BCL2L13: variants seen among roughly 807,000 people sequenced by gnomAD.
BCL2L13 encodes bcl-2-like protein 13.
BCL2L13 carries 13 observed loss-of-function variants against 25.8 expected under a neutral mutation model. That is an observed-to-expected ratio of 0.50 (90% CI 0.33 to 0.80). The LOEUF (loss-of-function observed/expected upper bound fraction) is 0.80. Among genes scored for constraint, BCL2L13 ranks in the 30% least tolerant of loss-of-function variants. The probability of loss-of-function intolerance (pLI) is 0.02; values close to 1 mark genes in which losing one functional copy is unlikely to be tolerated. For missense variants in BCL2L13, 504 were observed against 574.9 expected, an observed-to-expected ratio of 0.88 and a Z score of 1.26; for synonymous variants, 244 against 230.3, an observed-to-expected ratio of 1.06 and a Z score of -0.54.
In BCL2L13 at chr22:17,676,545, A is replaced by G. The variant is rs150580728; in HGVS notation, c.122-6669A>G. 4.7e-4 allele frequency among the ~76,000 whole-genome samples: 72 copies of G among 152,336 alleles called. 1 individual carries two copies. The East Asian group carries it at 0.014, about 29-fold the overall frequency. On this transcript the variant is annotated intron_variant, in intron 2 of 6. Coordinates refer to ENST00000317582, the MANE Select transcript of BCL2L13 (RefSeq NM_015367.4). ...GTGAAGAGTTAGAAGGCCTGACTCC[A>G]AAGCTTATCAACCACTTTACGGCTG...
Position 17,727,907 on chromosome 22 carries a change from G to T in BCL2L13, c.*373G>T. On this transcript the variant is annotated 3_prime_UTR_variant, in exon 7 of 7. Transcript: ENST00000317582. ...GCACCCCCTCCCAGAGATGACAAACGAAAATGTCTCTAGACATTGCCAAAT... is the reference window on the plus strand; with the variant it reads ...GCACCCCCTCCCAGAGATGACAAACTAAAATGTCTCTAGACATTGCCAAAT... 4.0e-6 allele frequency: 1 copy of T among 252,200 alleles called. No individual in the cohort carries two copies. The highest frequency in any genetic ancestry group is 4.8e-5 in the Admixed American group (1 of 20,776). 15.6% of individuals were successfully genotyped at this position (252,200 alleles called of 1,614,324 possible).
rs142646925 is a variant in BCL2L13, at chr22:17,702,366, A to G, written c.580A>G (p.Ile194Val). The part of the protein sequence containing the change: ...TYLEDYSAEY[I>V]IQQGGWGTVF... ...CCTGGAGGACTATTCGGCAGAGTACATCATTCAGCAAGGTGGCTGGGTATG... is the reference window on the plus strand; with the variant it reads ...CCTGGAGGACTATTCGGCAGAGTACGTCATTCAGCAAGGTGGCTGGGTATG... Residue 194 changes from isoleucine (I) to valine (V), a missense_variant, in exon 6 of 7, where the codon ATC (isoleucine) becomes GTC (valine). Physicochemically the swap from Ile to Val is conservative, Grantham distance 29. Transcript: ENST00000317582. 9 of 1,600,336 alleles carry G rather than the reference A, an allele frequency of 5.6e-6. No individual in the cohort carries two copies. The African/African-American group carries it at 9.5e-5, about 17-fold the overall frequency.
intron 6 of BCL2L13, among the ~76,000 whole-genome samples, chr22:17,715,165 TATATA>T (rs1319909124): frequency 1.3e-3 from 7 of 5,570 alleles, no homozygotes; most frequent in African/African-American, 3.6e-3. Context: ...TATATATATA[TATATA>T]TTTTTTTTTT....
At chr22:17,698,276 A>G (rs892203805) in intron 5 of BCL2L13, among the ~76,000 whole-genome samples, 1 of 151,770 alleles carries the variant, frequency 6.6e-6, no homozygotes, top group African/African-American at 2.4e-5. Context: ...CACTATGCCC[A>G]GCTAATTTTT....
chr22:17,663,138 TGG>T (rs903202340), intron 2 of BCL2L13, among the ~76,000 whole-genome samples: 3 of 152,192 alleles, frequency 2.0e-5, no homozygotes, highest in Non-Finnish European at 2.9e-5. Context: ...TTCAAAGTGC[TGG>T]GATTACAGGC....
chr22:17,642,517 A>C (rs981216649), intron 1 of BCL2L13, among the ~76,000 whole-genome samples: 2 of 152,046 alleles, frequency 1.3e-5, no homozygotes, highest in Non-Finnish European at 2.9e-5. Context: ...TGTAGTGTGT[A>C]TCAGTACTTT....
chr22:17,708,525 C>T (rs1413197068), intron 6 of BCL2L13, among the ~76,000 whole-genome samples: 4 of 152,144 alleles, frequency 2.6e-5, no homozygotes, highest in Non-Finnish European at 5.9e-5. Context: ...TTTAGAAGGG[C>T]ACATGATAAG....
At chr22:17,705,980 A>G (rs2060578400) in intron 6 of BCL2L13, among the ~76,000 whole-genome samples, 1 of 152,228 alleles carries the variant, frequency 6.6e-6, no homozygotes, top group African/African-American at 2.4e-5. Context: ...GATTTGAAGG[A>G]GAAAAATAAT....
chr22:17,696,439 A>G (rs759310690), intron 5 of BCL2L13, among the ~76,000 whole-genome samples: 10 of 152,068 alleles, frequency 6.6e-5, no homozygotes, highest in South Asian at 2.1e-4. Context: ...TTCTGTCCCA[A>G]TTTTCCCATC....
chr22:17,694,588 T>C (rs1055726357), intron 4 of BCL2L13, among the ~76,000 whole-genome samples: 1 of 152,212 alleles, frequency 6.6e-6, no homozygotes. Context: ...ATGTATTCAG[T>C]ACAAAAAATT....
chr22:17,711,434 A>G (rs902104852), intron 6 of BCL2L13, among the ~76,000 whole-genome samples: 2 of 151,206 alleles, frequency 1.3e-5, no homozygotes, highest in Non-Finnish European at 2.9e-5. Context: ...AGTAGCTGGG[A>G]CCACAGGCAT....
intron 2 of BCL2L13, among the ~76,000 whole-genome samples, chr22:17,660,935 C>T (rs966002052): frequency 2.8e-5 from 4 of 143,980 alleles, no homozygotes; most frequent in African/African-American, 9.8e-5. Flanking sequence ...CAGACGCATG[C>T]CACCACACCC....
chr22:17,692,224 C>G (rs1385812725), intron 4 of BCL2L13: 1 of 152,188 alleles, frequency 6.6e-6, no homozygotes, highest in Non-Finnish European at 1.5e-5. Context: ...ATTCTAATAG[C>G]TCACTAGGTA....
chr22:17,639,451 C>T (rs901259599), intron 1 of BCL2L13, among the ~76,000 whole-genome samples: 1 of 152,144 alleles, frequency 6.6e-6, no homozygotes, highest in Admixed American at 6.6e-5. Flanking sequence ...AGTCATTTTC[C>T]CCCTTTGATT....
intron 3 of BCL2L13, among the ~76,000 whole-genome samples, chr22:17,686,908 TAGAA>T (rs1477100520): frequency 1.3e-5 from 2 of 152,212 alleles, no homozygotes; most frequent in Non-Finnish European, 2.9e-5. Context: ...GGGCAAAAGG[TAGAA>T]AGAAGAAGAG....
At chr22:17,679,866 C>T (rs1390234908) in intron 2 of BCL2L13, among the ~76,000 whole-genome samples, 1 of 152,002 alleles carries the variant, frequency 6.6e-6, no homozygotes, top group African/African-American at 2.4e-5. Flanking sequence ...TCTTAGGCTC[C>T]TGTGTAATAG....
chr22:17,714,250 G>A (rs551464902), intron 6 of BCL2L13, among the ~76,000 whole-genome samples: 11 of 151,594 alleles, frequency 7.3e-5, no homozygotes, highest in South Asian at 2.1e-4. Context: ...CAGAGATTGC[G>A]CCACTGCACT....
chr22:17,684,789 G>T (rs1257894684), intron 3 of BCL2L13: 3 of 346,876 alleles, frequency 8.6e-6, no homozygotes, highest in Non-Finnish European at 1.7e-5. Flanking sequence ...CTGGAGTGCG[G>T]TGGCGGGATC....
At chr22:17,684,940 G>T (rs190030946) in intron 3 of BCL2L13, among the ~76,000 whole-genome samples, 3 of 152,082 alleles carry the variant, frequency 2.0e-5, no homozygotes, top group Non-Finnish European at 2.9e-5. Context: ...CAGCGTGTTA[G>T]CCAGGATGGT....
Sources: gnomAD v4.1 joint callset for allele counts (sites outside exome capture counted in the v4.1 genomes callset) on GRCh38, gnomAD v4.1.1 for gene constraint, MANE v1.5 for transcripts, NCBI Gene and HGNC (gene_info 2026-07-23, HGNC 2026-07-21) for gene names.